Variants in SLC9A4 observed in about 807,000 individuals in gnomAD.
SLC9A4 encodes sodium/hydrogen exchanger 4.
A neutral mutation model predicts 67.4 loss-of-function variants in SLC9A4; 63 were observed. The ratio of observed to expected loss-of-function variants is 0.93; its 90% confidence interval spans 0.76 to 1.15. SLC9A4 has a LOEUF of 1.15. Among genes scored for constraint, SLC9A4 ranks in the 50% most tolerant of loss-of-function variants. The pLI is 0.00. For synonymous variants in SLC9A4, 393 were observed against 367.2 expected (o/e 1.07, Z -0.80); for missense variants, 1,089 against 987.7 (o/e 1.10, Z -1.38).
rs1169856181 is a variant in SLC9A4 at position 102,519,788 on chromosome 2, A to G, written c.1722-71A>G. The G allele has an allele frequency of 5.6e-6, 8 of 1,421,282 alleles. No individual in the cohort carries two copies. In the Admixed American group the frequency reaches 6.9e-5, roughly 12 times the overall value. 88.0% of individuals were successfully genotyped at this position (1,421,282 alleles called of 1,614,324 possible). A position where few individuals can be genotyped will look rare whatever the true frequency, so the allele number is the denominator to read the frequency against. ...TTCCCCTCAGTACAGAGCAAGGCCC[A>G]CTGATAGTTTTGTGGCACCTCTTGC... On this transcript the variant is annotated intron_variant, in intron 8 of 11. Transcript: ENST00000295269.
intron 6 of SLC9A4, among the ~76,000 whole-genome samples, chr2:102,510,577 A>G (rs1220424290): frequency 6.6e-6 from 1 of 152,228 alleles, no homozygotes; most frequent in Non-Finnish European, 1.5e-5. Flanking sequence ...TCTATAAAAT[A>G]CATTTACAGC....
chr2:102,491,882 C>G (rs1200876594), intron 2 of SLC9A4, among the ~76,000 whole-genome samples: 2 of 152,186 alleles, frequency 1.3e-5, no homozygotes. Context: ...CAAGTTAGTT[C>G]CTTCCTAGAT....
chr2:102,528,719 T>C (rs1165895425), intron 11 of SLC9A4, among the ~76,000 whole-genome samples: 1 of 152,236 alleles, frequency 6.6e-6, no homozygotes, highest in African/African-American at 2.4e-5. Context: ...AAGTGGGGTT[T>C]ATTCCAGAAT....
At chr2:102,503,399 C>T in intron 2 of SLC9A4, 49 bp from the exon 3 acceptor site, 2 of 1,470,806 alleles carry the variant, frequency 1.4e-6, no homozygotes, top group Admixed American at 4.6e-5. Context: ...GCAAAGTGTT[C>T]CTAGTTTCTA....
chr2:102,501,044 C>T (rs866442181), intron 2 of SLC9A4, among the ~76,000 whole-genome samples: 13 of 150,856 alleles, frequency 8.6e-5, no homozygotes, highest in Admixed American at 2.0e-4. Flanking sequence ...ACGGCAACCT[C>T]GCCTCTCGGG....
chr2:102,496,459 G>C (rs1684812705), intron 2 of SLC9A4, among the ~76,000 whole-genome samples: 4 of 152,198 alleles, frequency 2.6e-5, no homozygotes, highest in Admixed American at 2.6e-4. Context: ...TACACTGAAA[G>C]TCCAAGGAAG....
chr2:102,495,456 A>C (rs1684787951), intron 2 of SLC9A4, among the ~76,000 whole-genome samples: 1 of 152,096 alleles, frequency 6.6e-6, no homozygotes, highest in Non-Finnish European at 1.5e-5. Flanking sequence ...CTATAGATTC[A>C]ATAAGAGCCC....
chr2:102,503,938 T>C (rs1182335898), intron 3 of SLC9A4, among the ~76,000 whole-genome samples: 2 of 152,206 alleles, frequency 1.3e-5, no homozygotes, highest in Non-Finnish European at 2.9e-5. Flanking sequence ...GAGGAAAGCA[T>C]AGCAATTATC....
At chr2:102,499,767 A>T (rs1573339222) in intron 2 of SLC9A4, among the ~76,000 whole-genome samples, 2 of 152,324 alleles carry the variant, frequency 1.3e-5, no homozygotes, top group African/African-American at 4.8e-5. Context: ...AAACATGCTT[A>T]TTGGCTACTG....
intron 2 of SLC9A4, among the ~76,000 whole-genome samples, chr2:102,480,361 T>A (rs973150845): frequency 8.4e-6 from 1 of 118,612 alleles, no homozygotes; most frequent in East Asian, 2.2e-4. Context: ...CCGTGTCTTG[T>A]TTTTTTTTTT....
At chr2:102,525,326 C>A (rs1253515437) in intron 10 of SLC9A4, among the ~76,000 whole-genome samples, 171 bp downstream of exon 10, 5 of 152,044 alleles carry the variant, frequency 3.3e-5, no homozygotes, top group East Asian at 2.0e-4. Context: ...ACCAGAGCAA[C>A]CTTTTTCTCT....
At chr2:102,530,932 A>G (rs1359268430) in intron 11 of SLC9A4, among the ~76,000 whole-genome samples, 1 of 152,176 alleles carries the variant, frequency 6.6e-6, no homozygotes, top group Non-Finnish European at 1.5e-5. Context: ...CCCACATTCT[A>G]AATACATTTT....
intron 3 of SLC9A4, among the ~76,000 whole-genome samples, chr2:102,504,551 G>T (rs1309318677): frequency 1.3e-5 from 2 of 152,140 alleles, no homozygotes; most frequent in Non-Finnish European, 2.9e-5. Context: ...TTTGAATGAG[G>T]CTTCTCAGCT....
At chr2:102,500,802 G>A (rs1209715029) in intron 2 of SLC9A4, among the ~76,000 whole-genome samples, 4 of 152,002 alleles carry the variant, frequency 2.6e-5, no homozygotes, top group East Asian at 1.9e-4. Context: ...TCAAACAAAC[G>A]TGAGGCATTC....
intron 8 of SLC9A4, among the ~76,000 whole-genome samples, chr2:102,518,280 G>C (rs1371814611): frequency 6.6e-6 from 1 of 152,120 alleles, no homozygotes; most frequent in Non-Finnish European, 1.5e-5. Flanking sequence ...TTTATCAATG[G>C]TTTTCCCTAT....
chr2:102,527,783 T>C (rs3849364), intron 11 of SLC9A4, among the ~76,000 whole-genome samples: 97,566 of 152,046 alleles, frequency 0.64, 31,448 homozygotes, highest in Middle Eastern at 0.72. Flanking sequence ...GCATAAAATT[T>C]ATATGTCAGA....
chr2:102,497,930 G>C (rs1016838367), intron 2 of SLC9A4, among the ~76,000 whole-genome samples: 9 of 152,222 alleles, frequency 5.9e-5, no homozygotes, highest in African/African-American at 2.2e-4. Flanking sequence ...GTGAGTCTCT[G>C]TGTGTTAAAA....
chr2:102,521,444 C>G (rs190782617), intron 9 of SLC9A4, among the ~76,000 whole-genome samples: 55 of 152,278 alleles, frequency 3.6e-4, no homozygotes, highest in African/African-American at 1.3e-3. Context: ...AAGTTTATTG[C>G]TGATGACCTT....
At chr2:102,482,817 T>C (rs1259423027) in intron 2 of SLC9A4, among the ~76,000 whole-genome samples, 1 of 152,236 alleles carries the variant, frequency 6.6e-6, no homozygotes, top group Non-Finnish European at 1.5e-5. Flanking sequence ...AAATGCCATC[T>C]CTTTAATTTT....
Sources: allele counts gnomAD v4.1 joint callset (sites outside exome capture counted in the v4.1 genomes callset), GRCh38; gene constraint gnomAD v4.1.1; transcripts MANE v1.5; gene names NCBI Gene and HGNC (gene_info 2026-07-23, HGNC 2026-07-21).